PIAS4: variants seen among roughly 807,000 people sequenced by gnomAD.
PIAS4 encodes the protein protein inhibitor of activated STAT 4.
In PIAS4, 7 loss-of-function variants were observed where a neutral mutation model predicts 58.0. That is an observed-to-expected ratio of 0.12 (90% CI 0.07 to 0.23). The LOEUF (loss-of-function observed/expected upper bound fraction) is 0.23. Among genes scored for constraint, PIAS4 ranks in the 10% least tolerant of loss-of-function variants. The pLI is 1.00. For synonymous variants in PIAS4, 364 were observed against 312.4 expected (o/e 1.17, Z -1.74); for missense variants, 550 against 709.5 (o/e 0.78, Z 2.55).
intron 2 of PIAS4, among the ~76,000 whole-genome samples, chr19:4,016,946 C>T (rs1274412814): frequency 1.3e-5 from 2 of 152,164 alleles, no homozygotes; most frequent in South Asian, 4.1e-4. Flanking sequence ...CCCTGAGGTT[C>T]TGGTATGATT....
At position 4,035,995 on chromosome 19, in the gene PIAS4, T is replaced by C. The variant is rs111067228; in HGVS notation, c.1143-1379T>C. Among the ~76,000 whole-genome samples the C allele has an allele frequency of 8.8e-4, 43 of 48,870 alleles. 2 individuals are homozygous for C. The highest frequency in any genetic ancestry group is 3.6e-3 in the African/African-American group (39 of 10,962). 32.1% of individuals were successfully genotyped at this position (48,870 alleles called of 152,430 possible). A position where few individuals can be genotyped will look rare whatever the true frequency, so the allele number is the denominator to read the frequency against. The stretch of plus-strand genomic sequence containing the variant: ...ACACCGTCATACACACACACACACA[T>C]CTGTACAGTCCACACCTTCACACAT... On this transcript the variant is annotated intron_variant, in intron 9 of 10. Coordinates refer to ENST00000262971, the MANE Select transcript of PIAS4 (RefSeq NM_015897.4).
At position 4,037,326 on chromosome 19, in the gene PIAS4, G is replaced by A. The variant is rs761752306; in HGVS notation, c.1143-48G>A. On this transcript the variant is annotated intron_variant, in intron 9 of 10. Transcript: ENST00000262971. The surrounding 1 kb of genome is among the most constrained non-coding windows in gnomAD (Gnocchi z 5.8). ...AGGGATGGAGGGCTGGGGAGTTGGGGGGGTGGGGCACCTCCAGCCCCGGCG... is the reference window on the plus strand; with the variant it reads ...AGGGATGGAGGGCTGGGGAGTTGGGAGGGTGGGGCACCTCCAGCCCCGGCG... The A allele has an allele frequency of 1.3e-6, 2 of 1,567,140 alleles. No homozygotes were observed. Among genetic ancestry groups the A allele is most frequent in the East Asian group, 2.3e-5 (1 of 44,214 alleles).
chr19:4,018,178 C>T (rs1043994657), intron 2 of PIAS4, among the ~76,000 whole-genome samples: 4 of 152,240 alleles, frequency 2.6e-5, no homozygotes, highest in African/African-American at 7.2e-5. Flanking sequence ...ATGCGCTTGT[C>T]CTAGAAAACT....
intron 3 of PIAS4, among the ~76,000 whole-genome samples, chr19:4,024,417 C>G (rs898618607): frequency 6.6e-6 from 1 of 152,318 alleles, no homozygotes; most frequent in African/African-American, 2.4e-5. Context: ...TTGCAGGGAG[C>G]GGAGGAGCAT....
chr19:4,011,232 A>T (rs1393993147), intron 1 of PIAS4, among the ~76,000 whole-genome samples: 1 of 152,188 alleles, frequency 6.6e-6, no homozygotes, highest in Admixed American at 6.5e-5. Context: ...AACACCCTTG[A>T]CGCTTGAGCT....
Position 4,033,131 on chromosome 19 carries a change from C to G in PIAS4, c.939C>G (p.Ser313Arg), listed in dbSNP as rs779223440. The G allele has an allele frequency of 1.2e-6, 2 of 1,611,468 alleles. No individual in the cohort carries two copies. The highest frequency in any genetic ancestry group is 2.7e-5 in the African/African-American group (2 of 74,934). ...AGAAGCTGCGCCTTGATCCTGACAGCGAGATCGCCACCACCGGTGTGCGGG... is the reference window on the plus strand; with the variant it reads ...AGAAGCTGCGCCTTGATCCTGACAGGGAGATCGCCACCACCGGTGTGCGGG... ...VKEKLRLDPD[S>R]EIATTGVRVS... The change falls in exon 8 of 11, where the codon AGC (serine) becomes AGG (arginine). Residue 313 changes from serine (S) to arginine (R), a missense_variant. This residue lies in a region of PIAS4 where 225 missense variants were observed against 345.8 expected (regional missense o/e 0.65). Coordinates refer to ENST00000262971, the MANE Select transcript of PIAS4 (RefSeq NM_015897.4).
rs780861737 is a variant in PIAS4 at position 4,028,916 on chromosome 19, T to TGC, written c.802-15_802-14insGC. 6.2e-7 allele frequency: 1 copy of TGC among 1,611,064 alleles called. No homozygotes were observed. The highest frequency in any genetic ancestry group is 1.3e-5 in the African/African-American group (1 of 74,668). On this transcript the variant is annotated splice_polypyrimidine_tract_variant and intron_variant, in intron 6 of 10. Transcript: ENST00000262971. ...CCCCGTCCTGCCAGCCCTGACCCCT[T>TGC]CCTTCTGTCCCCAGAGCTACTCGGT...
At chr19:4,030,255 G>A (rs558361186) in intron 7 of PIAS4, among the ~76,000 whole-genome samples, 5 of 144,504 alleles carry the variant, frequency 3.5e-5, no homozygotes, top group East Asian at 1.9e-4. Context: ...GGCCACTTTC[G>A]CACCTGGTCT....
chr19:4,015,376 C>A (rs975906419), intron 2 of PIAS4, among the ~76,000 whole-genome samples: 1 of 152,156 alleles, frequency 6.6e-6, no homozygotes, highest in African/African-American at 2.4e-5. Context: ...CACCAGGGAC[C>A]CCGGTCACCT....
Position 4,033,564 on chromosome 19 carries a change from C to G in PIAS4, c.1126C>G (p.Gln376Glu). Residue 376 changes from glutamine to glutamate, a missense_variant, in exon 9 of 11, where the codon CAG (glutamine) becomes GAG (glutamate). Gln to Glu is a conservative substitution (Grantham distance 29). This residue lies in a region of PIAS4 where 225 missense variants were observed against 345.8 expected (regional missense o/e 0.65). Coordinates refer to ENST00000262971, the MANE Select transcript of PIAS4 (RefSeq NM_015897.4). ...GTGCGACAAGCCAGCCCCCTACGAC[C>G]AGCTCATCATCGACGGGTGAGCCCG... ...PVCDKPAPYD[Q>E]LIIDGLLSKI... 1.2e-6 allele frequency: 2 copies of G among 1,608,478 alleles called. No individual in the cohort carries two copies. The highest frequency in any genetic ancestry group is 2.2e-5 in the South Asian group (2 of 90,086).
intron 8 of PIAS4, 34 bp from the exon 9 acceptor site, chr19:4,033,386 G>A: frequency 5.9e-6 from 9 of 1,538,032 alleles, no homozygotes; most frequent in East Asian, 4.9e-5. Context: ...CACAACAGGA[G>A]GGGTGCCCTG....
At chr19:4,014,072 C>G (rs747378110) in intron 2 of PIAS4, among the ~76,000 whole-genome samples, 3 of 152,204 alleles carry the variant, frequency 2.0e-5, no homozygotes, top group Non-Finnish European at 4.4e-5. Context: ...CCCCCGGGCT[C>G]TGGTTCCTCG....
intron 2 of PIAS4, among the ~76,000 whole-genome samples, chr19:4,021,444 C>T (rs1176722848): frequency 1.1e-4 from 17 of 151,924 alleles, no homozygotes; most frequent in Admixed American, 1.1e-3. Context: ...CGCACCTGGC[C>T]TGGGTGTGTA....
At chr19:4,024,215 G>A in intron 3 of PIAS4, 95 bp downstream of exon 3, 1 of 893,206 alleles carries the variant, frequency 1.1e-6, no homozygotes, top group East Asian at 2.5e-5. Context: ...GTCCACTGCA[G>A]GCCTCGCTCG....
At chr19:4,022,550 T>G (rs531344938) in intron 2 of PIAS4, among the ~76,000 whole-genome samples, 15 of 151,876 alleles carry the variant, frequency 9.9e-5, no homozygotes, top group African/African-American at 3.6e-4. Context: ...GTATTTTTAG[T>G]AGAGATGGGG....
intron 2 of PIAS4, among the ~76,000 whole-genome samples, chr19:4,015,884 G>A (rs888834650): frequency 3.9e-5 from 6 of 152,254 alleles, no homozygotes; most frequent in South Asian, 2.1e-4. Flanking sequence ...CACGCGGTGC[G>A]GAATGCTGGG....
Position 4,024,340 on chromosome 19 carries a change from G to A in PIAS4, c.539+220G>A, listed in dbSNP as rs557729578. 1.1e-4 allele frequency among the ~76,000 whole-genome samples: 17 copies of A among 152,340 alleles called. No individual in the cohort carries two copies. The East Asian group carries it at 1.9e-3, about 17-fold the overall frequency. ...GCCCACTGCCTGTGCCCTGCAGCCT[G>A]CTAGAGAGAGGCGGACTGACTGTGC... On this transcript the variant is annotated intron_variant, in intron 3 of 10. Coordinates refer to ENST00000262971, the MANE Select transcript of PIAS4 (RefSeq NM_015897.4).
rs550856375 is a variant in PIAS4, at chr19:4,033,708, C to T, written c.1142+128C>T. ...GCAGTGGGGGCACATGGTCCTGGAG[C>T]TTTGGAAACCCCGGGCTGCGAAAAG... On this transcript the variant is annotated intron_variant, in intron 9 of 10. Coordinates refer to ENST00000262971, the MANE Select transcript of PIAS4 (RefSeq NM_015897.4). 14 of 788,214 alleles carry T rather than the reference C, an allele frequency of 1.8e-5. No homozygotes were observed. The South Asian group carries it at 2.2e-4, about 12-fold the overall frequency. The allele number at this position is 788,214 out of a possible 1,614,324, so 48.8% of individuals were successfully genotyped here. A position where few individuals can be genotyped will look rare whatever the true frequency, so the allele number is the denominator to read the frequency against.
chr19:4,025,463 C>T (rs950401846), intron 3 of PIAS4, among the ~76,000 whole-genome samples: 2 of 152,236 alleles, frequency 1.3e-5, no homozygotes, highest in African/African-American at 4.8e-5. Flanking sequence ...CAGGTCACCC[C>T]TGAGTCCATG....
Sources: gnomAD v4.1 joint callset for allele counts (sites outside exome capture counted in the v4.1 genomes callset) on GRCh38, gnomAD v4.1.1 for gene constraint, gnomAD v4.1.1 regional missense constraint, Gnocchi (gnomAD v3.1) non-coding constraint, MANE v1.5 for transcripts, NCBI Gene and HGNC (gene_info 2026-07-23, HGNC 2026-07-21) for gene names.